ZC3H14: variants seen among roughly 807,000 people sequenced by gnomAD.
The protein encoded by ZC3H14 is zinc finger CCCH-type containing 14.
A neutral mutation model predicts 92.4 loss-of-function variants in ZC3H14; 31 were observed. The ratio of observed to expected loss-of-function variants is 0.34; its 90% CI spans 0.25 to 0.45. ZC3H14 has a LOEUF of 0.45. Ranked by LOEUF, ZC3H14 falls within the 20% of genes least tolerant of loss-of-function variation. The pLI, the probability that ZC3H14 is intolerant of heterozygous loss-of-function variation, is 1.00. For missense variants in ZC3H14, 781 were observed against 897.3 expected, an observed-to-expected ratio of 0.87 and a Z score of 1.66; for synonymous variants, 321 against 300.9, an observed-to-expected ratio of 1.07 and a Z score of -0.69.
chr14:88,565,223 G>A (rs1488643134), intron 2 of ZC3H14, among the ~76,000 whole-genome samples: 3 of 152,032 alleles, frequency 2.0e-5, no homozygotes, highest in African/African-American at 7.2e-5. Flanking sequence ...CTCACTGCAA[G>A]CTCTGCCTCC....
chr14:88,606,747 T>TG (rs1555409413), intron 12 of ZC3H14, among the ~76,000 whole-genome samples: 2 of 95,876 alleles, frequency 2.1e-5, no homozygotes, highest in Admixed American at 1.3e-4. Context: ...GACCCTGTCG[T>TG]AAAAAAAAAA....
intron 9 of ZC3H14, among the ~76,000 whole-genome samples, chr14:88,587,304 C>T (rs1266610339): frequency 6.6e-6 from 1 of 151,882 alleles, no homozygotes; most frequent in Non-Finnish European, 1.5e-5. Flanking sequence ...CTTGGGACTA[C>T]AGGCACACCC....
chr14:88,569,976 T>C (rs948771629), intron 3 of ZC3H14, among the ~76,000 whole-genome samples: 3 of 152,194 alleles, frequency 2.0e-5, no homozygotes, highest in African/African-American at 7.2e-5. Context: ...TGTGGGTCTT[T>C]TGACTGGGAA....
At chr14:88,599,219 G>A (rs1351575059) in intron 10 of ZC3H14, among the ~76,000 whole-genome samples, 1 of 152,158 alleles carries the variant, frequency 6.6e-6, no homozygotes, top group Non-Finnish European at 1.5e-5. Context: ...CAGTTCCTGA[G>A]CCTTTGGAGA....
intron 3 of ZC3H14, among the ~76,000 whole-genome samples, chr14:88,569,306 TCTTA>T (rs2080095966): frequency 1.3e-5 from 2 of 152,242 alleles, no homozygotes; most frequent in South Asian, 4.1e-4. Flanking sequence ...CTTTTCTGTT[TCTTA>T]CTTTTTAAGC....
At position 88,575,892 on chromosome 14, in the gene ZC3H14, A is replaced by G; in HGVS notation, c.1075A>G (p.Ile359Val). 6 of 1,613,928 alleles carry G rather than the reference A, an allele frequency of 3.7e-6. No homozygotes were observed. The highest frequency in any genetic ancestry group is 5.1e-6 in the Non-Finnish European group (6 of 1,179,914). ...QANKNLILKA[I>V]SEAQESVTKT... ...TAACAAGAATCTGATTTTGAAGGCTATATCTGAAGCTCAAGAATCCGTAAC... is the reference window on the plus strand; with the variant it reads ...TAACAAGAATCTGATTTTGAAGGCTGTATCTGAAGCTCAAGAATCCGTAAC... Residue 359 changes from isoleucine to valine, a missense_variant, in exon 8 of 17, where the codon ATA (isoleucine) becomes GTA (valine). Physicochemically the swap from Ile to Val is conservative, Grantham distance 29 (BLOSUM62 3). Around this residue, in one of 3 missense-constraint regions of ZC3H14, gnomAD observed 454 missense variants for 438.5 expected, o/e 1.04. Transcript: ENST00000251038.
intron 2 of ZC3H14, among the ~76,000 whole-genome samples, chr14:88,567,427 T>C (rs556012247): frequency 1.9e-4 from 29 of 151,832 alleles, no homozygotes; most frequent in Admixed American, 5.2e-4. Flanking sequence ...TTTTCTTTTT[T>C]TTTTTTTTTT....
rs370378565 is a variant in ZC3H14 at position 88,608,426 on chromosome 14, T to C, written c.1869-841T>C. 110 of 329,830 alleles carry C rather than the reference T, an allele frequency of 3.3e-4. 2 individuals are homozygous for C. Among genetic ancestry groups the C allele is most frequent in the South Asian group, 2.4e-3 (101 of 41,250 alleles). The allele number at this position is 329,830 out of a possible 1,614,324, so 20.4% of individuals were successfully genotyped here. ...TCTGTATCTTACACCTTATTTTGTT[T>C]TTGTTTTTCTGTGGACAAGTTTTTA... On this transcript the variant is annotated intron_variant, in intron 13 of 16. Transcript: ENST00000251038.
At chr14:88,568,355 A>G (rs924079036) in intron 3 of ZC3H14, among the ~76,000 whole-genome samples, 1 of 152,244 alleles carries the variant, frequency 6.6e-6, no homozygotes, top group African/African-American at 2.4e-5. Context: ...TCTAAAAGAA[A>G]GAGGTTTAAT....
In ZC3H14 at chr14:88,624,490, G is replaced by T. The variant is rs921950613; in HGVS notation, c.*12739G>T. On this transcript the variant is annotated 3_prime_UTR_variant, in exon 17 of 17. Transcript: ENST00000251038. ...CAGAAGAGACCTCTTCTCAAATTTT[G>T]AGGTCTTGTATAAAACAGTTTAAAT... The T allele has an allele frequency of 6.5e-6, 1 of 153,956 alleles. No individual in the cohort carries two copies. The highest frequency in any genetic ancestry group is 1.4e-5 in the Non-Finnish European group (1 of 69,176). The allele number at this position is 153,956 out of a possible 1,614,324, so 9.5% of individuals were successfully genotyped here.
At position 88,604,632 on chromosome 14, in the gene ZC3H14, C is replaced by G. The variant is rs560738127; in HGVS notation, c.1747+1572C>G. Among the ~76,000 whole-genome samples the G allele has an allele frequency of 2.4e-4, 36 of 147,286 alleles. No individual in the cohort carries two copies. The East Asian group carries it at 6.7e-3, about 27-fold the overall frequency. On this transcript the variant is annotated intron_variant, in intron 12 of 16. Coordinates refer to ENST00000251038, the MANE Select transcript of ZC3H14 (RefSeq NM_024824.5). The stretch of plus-strand genomic sequence containing the variant: ...TTTTTTTGAGATAGAGTCTCTCTGT[C>G]CCCCAGGCTGGAGTGCAATGGAGCC...
chr14:88,611,869 G>A lies in ZC3H14; in HGVS notation c.*118G>A. On this transcript the variant is annotated 3_prime_UTR_variant, in exon 17 of 17. Transcript: ENST00000251038. ...TTGGAATATATTGCTTTCATAATAT[G>A]AAGTTTTATTGCCTATCTATCTGAA... 1 of 1,420,720 alleles carries A rather than the reference G, an allele frequency of 7.0e-7. No individual in the cohort carries two copies. The highest frequency in any genetic ancestry group is 9.8e-7 in the Non-Finnish European group (1 of 1,020,562). The allele number at this position is 1,420,720 out of a possible 1,614,324, so 88.0% of individuals were successfully genotyped here.
chr14:88,609,731 A>G lies in ZC3H14; in HGVS notation c.2025A>G (p.Pro675=), dbSNP rs750610727. The change falls in exon 15 of 17, where the codon CCA becomes CCG. Residue 675 remains proline (P), a synonymous_variant. Coordinates refer to ENST00000251038, the MANE Select transcript of ZC3H14 (RefSeq NM_024824.5). The part of the protein sequence containing the change: ...SPKPAVAPPA[P]PSSSQLCRYF... The stretch of plus-strand genomic sequence containing the variant: ...TGTTAGCAGTTGCACCACCAGCACC[A>G]CCTTCCAGTAGTCAGCTCTGCCGTT... The G allele has an allele frequency of 5.0e-6, 8 of 1,614,052 alleles. No individual in the cohort carries two copies. The Admixed American group carries it at 1.3e-4, about 27-fold the overall frequency.
Position 88,625,230 on chromosome 14 carries a change from C to G in ZC3H14, c.*13479C>G, listed in dbSNP as rs1330590140. ...GTGTAATGCTGTCTCACCCTTGATACAAAGAGCATGCATCGTGTAGTGGCA... is the reference window on the plus strand; with the variant it reads ...GTGTAATGCTGTCTCACCCTTGATAGAAAGAGCATGCATCGTGTAGTGGCA... On this transcript the variant is annotated 3_prime_UTR_variant, in exon 17 of 17. Coordinates refer to ENST00000251038, the MANE Select transcript of ZC3H14 (RefSeq NM_024824.5). 2.2e-6 allele frequency: 3 copies of G among 1,345,816 alleles called. No homozygotes were observed. The highest frequency in any genetic ancestry group is 3.0e-6 in the Non-Finnish European group (3 of 988,348). 83.4% of individuals were successfully genotyped at this position (1,345,816 alleles called of 1,614,324 possible).
At chr14:88,606,185 G>T (rs1230857348) in intron 12 of ZC3H14, among the ~76,000 whole-genome samples, 6 of 152,138 alleles carry the variant, frequency 3.9e-5, no homozygotes, top group Admixed American at 3.9e-4. Context: ...TTAATAAATT[G>T]CCAGCATTAC....
intron 6 of ZC3H14, among the ~76,000 whole-genome samples, chr14:88,574,004 TA>T (rs2080836961): frequency 6.6e-6 from 1 of 152,224 alleles, no homozygotes; most frequent in African/African-American, 2.4e-5. Context: ...AGTTCTTTTG[TA>T]TCACATCTGT....
rs1057154889 is a variant in ZC3H14, at chr14:88,563,644, C to T, written c.37-7C>T. On this transcript the variant is annotated splice_region_variant and splice_polypyrimidine_tract_variant and intron_variant, in intron 1 of 16. Transcript: ENST00000251038. ...TCTCACATGCACGTTTGCTCTTTTT[C>T]TCTCAGAGTGCCATTAAGGGGAAAT... is the stretch of plus-strand genomic sequence containing the variant. 1 of 1,614,180 alleles carries T rather than the reference C, an allele frequency of 6.2e-7. No homozygotes were observed. Among genetic ancestry groups the T allele is most frequent in the Middle Eastern group, 1.6e-4 (1 of 6,062 alleles).
chr14:88,604,964 G>T (rs1040546323), intron 12 of ZC3H14, among the ~76,000 whole-genome samples: 1 of 152,112 alleles, frequency 6.6e-6, no homozygotes, highest in Admixed American at 6.5e-5. Context: ...TTACAAAGTC[G>T]GTGTCAGCCA....
Position 88,626,829 on chromosome 14 carries a change from G to A in ZC3H14, c.*15078G>A, listed in dbSNP as rs2090004521. 6.2e-7 allele frequency: 1 copy of A among 1,613,386 alleles called. No individual in the cohort carries two copies. The highest frequency in any genetic ancestry group is 8.5e-7 in the Non-Finnish European group (1 of 1,179,640). Reference sequence around the variant, plus strand: ...CAAAGTCACACTATGTGCATTTTAAGAGACATACTGCACCAAATGCAATAG... The same window carrying A: ...CAAAGTCACACTATGTGCATTTTAAAAGACATACTGCACCAAATGCAATAG... On this transcript the variant is annotated 3_prime_UTR_variant, in exon 17 of 17. Coordinates refer to ENST00000251038, the MANE Select transcript of ZC3H14 (RefSeq NM_024824.5).
Sources: allele counts gnomAD v4.1 joint callset (sites outside exome capture counted in the v4.1 genomes callset), GRCh38; gene constraint gnomAD v4.1.1; regional missense constraint gnomAD v4.1.1; transcripts MANE v1.5; gene names NCBI Gene and HGNC (gene_info 2026-07-23, HGNC 2026-07-21).